UCN3: variants seen among roughly 807,000 people sequenced by gnomAD.
UCN3 encodes the protein urocortin-3.
A neutral mutation model predicts 3.6 loss-of-function variants in UCN3; 3 were observed. That is an observed-to-expected ratio of 0.83 (90% CI 0.38 to 2.15). The LOEUF (loss-of-function observed/expected upper bound fraction) is 2.15, where lower values mean the gene tolerates loss of function less well. UCN3 is among the 30% of genes most tolerant of loss of function. UCN3 has a pLI of 0.06. For synonymous variants in UCN3, 100 were observed against 93.2 expected (o/e 1.07, Z -0.42); for missense variants, 206 against 208.3 (o/e 0.99, Z 0.07).
rs1554810670 is a variant in UCN3 at position 5,365,838 on chromosome 10, C to G, written c.-7+608C>G. 6.6e-6 allele frequency among the ~76,000 whole-genome samples: 1 copy of G among 152,164 alleles called. No individual in the cohort carries two copies. The highest frequency in any genetic ancestry group is 1.9e-4 in the East Asian group (1 of 5,180). On this transcript the variant is annotated intron_variant, in intron 1 of 1. Transcript: ENST00000380433. The surrounding 1 kb of genome is among the most constrained non-coding windows in gnomAD (Gnocchi z 4.4). ...TTTCCCCAGCCAGGTCCTCTGCCAC[C>G]AAAGCCCAGAGCCCTTTGCCACACT...
chr10:5,370,167 GTGTGTGTATA>G lies in UCN3; in HGVS notation c.-6-3545_-6-3536del, dbSNP rs1831343602. Among the ~76,000 whole-genome samples, 2 of 100,018 alleles carry G rather than the reference GTGTGTGTATA, an allele frequency of 2.0e-5. 1 individual carries two copies. The highest frequency in any genetic ancestry group is 1.0e-4 in the African/African-American group (2 of 19,200). The allele number at this position is 100,018 out of a possible 152,430, so 65.6% of individuals were successfully genotyped here. A position where few individuals can be genotyped will look rare whatever the true frequency, so the allele number is the denominator to read the frequency against. The stretch of plus-strand genomic sequence containing the variant: ...TGCGTGTGTATATGTGTGTGTATAT[GTGTGTGTATA>G]TGCGTGTGTATATGCGTGTGTATAT... On this transcript the variant is annotated intron_variant, in intron 1 of 1. Coordinates refer to ENST00000380433, the MANE Select transcript of UCN3 (RefSeq NM_053049.4).
chr10:5,369,337 C>A (rs528421233), intron 1 of UCN3, among the ~76,000 whole-genome samples: 1 of 152,308 alleles, frequency 6.6e-6, no homozygotes, highest in African/African-American at 2.4e-5. Flanking sequence ...CTAAGAAGAC[C>A]TGGAGATTAT....
intron 1 of UCN3, among the ~76,000 whole-genome samples, chr10:5,372,060 G>A (rs1831436506): frequency 1.3e-5 from 2 of 152,204 alleles, no homozygotes; most frequent in Non-Finnish European, 2.9e-5. Context: ...CGGCAGCCGT[G>A]CTTTCTCTAG....
chr10:5,366,199 C>G lies in UCN3; in HGVS notation c.-7+969C>G, dbSNP rs547603888. Among the ~76,000 whole-genome samples, 1 of 152,228 alleles carries G rather than the reference C, an allele frequency of 6.6e-6. No homozygotes were observed. Among genetic ancestry groups the G allele is most frequent in the East Asian group, 1.9e-4 (1 of 5,170 alleles). ...GAGGTGCTGGGAATTGGAGGCTGAC[C>G]CAGGTCCCTCACGTTTCAGTGCTTG... On this transcript the variant is annotated intron_variant, in intron 1 of 1. Transcript: ENST00000380433. The surrounding 1 kb of genome is among the most constrained non-coding windows in gnomAD (Gnocchi z 4.2).
At chr10:5,371,901 T>A (rs1831434134) in intron 1 of UCN3, among the ~76,000 whole-genome samples, 1 of 151,994 alleles carries the variant, frequency 6.6e-6, no homozygotes, top group South Asian at 2.1e-4. Flanking sequence ...TCTTCGGTAA[T>A]AAAGTGAACT....
At chr10:5,370,939 A>AAGG (rs1831414098) in intron 1 of UCN3, among the ~76,000 whole-genome samples, 1 of 113,992 alleles carries the variant, frequency 8.8e-6, no homozygotes, top group African/African-American at 3.7e-5. Context: ...ATGTGTGTTC[A>AAGG]TGTGTATGTG....
intron 1 of UCN3, 117 bp from the exon 2 acceptor site, chr10:5,373,598 T>C (rs1176338119): frequency 1.4e-6 from 2 of 1,476,920 alleles, no homozygotes; most frequent in Non-Finnish European, 1.8e-6. Context: ...CTGGGGGTCA[T>C]ACTTGGAGAA....
intron 1 of UCN3, among the ~76,000 whole-genome samples, chr10:5,372,313 G>A (rs1022771596): frequency 1.3e-5 from 2 of 152,116 alleles, no homozygotes; most frequent in Admixed American, 1.3e-4. Context: ...GAACTCTGAC[G>A]GCCTCTGGCA....
intron 1 of UCN3, among the ~76,000 whole-genome samples, chr10:5,369,862 G>GTGTGTGTGTGTGTGTGTCTAT (rs1554811024): frequency 3.0e-4 from 30 of 99,510 alleles, no homozygotes; most frequent in African/African-American, 8.5e-4. Context: ...TATCCACGTG[G>GTGTGTGTGTGTGTGTGTCTAT]GTGTGTGTGT....
At chr10:5,372,299 A>G (rs1588402653) in intron 1 of UCN3, among the ~76,000 whole-genome samples, 1 of 152,310 alleles carries the variant, frequency 6.6e-6, no homozygotes, top group East Asian at 1.9e-4. Context: ...GCCATGGGCA[A>G]CCTGAACTCT....
chr10:5,370,692 T>C (rs1272632142), intron 1 of UCN3, among the ~76,000 whole-genome samples: 2 of 117,732 alleles, frequency 1.7e-5, no homozygotes, highest in South Asian at 7.1e-4. Context: ...TGTGTATGTG[T>C]GTATATGTGT....
rs1834104689 is a variant in UCN3 at position 5,365,208 on chromosome 10, T to C, written c.-29T>C. 1 of 152,362 alleles carries C rather than the reference T, an allele frequency of 6.6e-6. No homozygotes were observed. The highest frequency in any genetic ancestry group is 6.5e-5 in the Admixed American group (1 of 15,284). The allele number at this position is 152,362 out of a possible 1,614,324, so 9.4% of individuals were successfully genotyped here. ...GCGCCGGCCTCCCTGAGCGTTTCGC[T>C]GCGGAGGGAAGTCCACTCTCGGGTA... On this transcript the variant is annotated 5_prime_UTR_variant, in exon 1 of 2. Coordinates refer to ENST00000380433, the MANE Select transcript of UCN3 (RefSeq NM_053049.4). The surrounding 1 kb of genome is among the most constrained non-coding windows in gnomAD (Gnocchi z 4.4).
rs1564443736 is a variant in UCN3, at chr10:5,370,874, T to TGTGTGC, written c.-6-2837_-6-2836insGCGTGT. On this transcript the variant is annotated intron_variant, in intron 1 of 1. Coordinates refer to ENST00000380433, the MANE Select transcript of UCN3 (RefSeq NM_053049.4). ...GCGCGTGTGTGTGCGTGTGTATGTG[T>TGTGTGC]GTGTATATGCGTGTGTATATGCGTG... 7.0e-5 allele frequency among the ~76,000 whole-genome samples: 9 copies of TGTGTGC among 128,104 alleles called. 2 individuals carry two copies. The highest frequency in any genetic ancestry group is 2.8e-4 in the African/African-American group (9 of 32,270). The allele number at this position is 128,104 out of a possible 152,430, so 84.0% of individuals were successfully genotyped here. A position where few individuals can be genotyped will look rare whatever the true frequency, so the allele number is the denominator to read the frequency against.
In UCN3 at chr10:5,374,277, G is replaced by C. The variant is rs1188797090; in HGVS notation, c.*71G>C. ...GAGGGGGAGGGGAGGGCGAGGGGGGGAGGGGAGGGGGAGGGTGCTGTCTGC... is the reference window on the plus strand; with the variant it reads ...GAGGGGGAGGGGAGGGCGAGGGGGGCAGGGGAGGGGGAGGGTGCTGTCTGC... On this transcript the variant is annotated 3_prime_UTR_variant, in exon 2 of 2. Transcript: ENST00000380433. 2.4e-6 allele frequency: 1 copy of C among 420,192 alleles called. No homozygotes were observed. Among genetic ancestry groups the C allele is most frequent in the African/African-American group, 2.2e-5 (1 of 46,140 alleles). 26.0% of individuals were successfully genotyped at this position (420,192 alleles called of 1,614,324 possible). A position where few individuals can be genotyped will look rare whatever the true frequency, so the allele number is the denominator to read the frequency against.
Position 5,370,970 on chromosome 10 carries a change from A to G in UCN3, c.-6-2745A>G, listed in dbSNP as rs1245894903. Among the ~76,000 whole-genome samples, 13 of 144,212 alleles carry G rather than the reference A, an allele frequency of 9.0e-5. 1 individual carries two copies. Among genetic ancestry groups the G allele is most frequent in the East Asian group, 6.2e-4 (3 of 4,828 alleles). 94.6% of individuals were successfully genotyped at this position (144,212 alleles called of 152,430 possible). A position where few individuals can be genotyped will look rare whatever the true frequency, so the allele number is the denominator to read the frequency against. ...ATGTGTGTAAGGTGTGTGTGTGTGT[A>G]TGTATGTACATGTGAGGTATGTATG... is the stretch of plus-strand genomic sequence containing the variant. On this transcript the variant is annotated intron_variant, in intron 1 of 1. Transcript: ENST00000380433.
intron 1 of UCN3, among the ~76,000 whole-genome samples, chr10:5,370,677 G>GTGTGTGTA (rs1831385309): frequency 1.3e-5 from 1 of 79,338 alleles, no homozygotes. Context: ...GTGTGTGTAT[G>GTGTGTGTA]TGTGTGTGTA....
intron 1 of UCN3, among the ~76,000 whole-genome samples, chr10:5,372,340 T>C (rs1359155989): frequency 6.6e-6 from 1 of 152,182 alleles, no homozygotes; most frequent in Non-Finnish European, 1.5e-5. Context: ...ATGCTGCTAC[T>C]GTGAAGGAGC....
intron 1 of UCN3, among the ~76,000 whole-genome samples, chr10:5,370,745 T>C (rs1374955698): frequency 8.2e-6 from 1 of 121,262 alleles, no homozygotes. Context: ...TATGTGTGTG[T>C]ATATGATGTG....
rs1402137201 is a variant in UCN3, at chr10:5,366,972, A to C, written c.-7+1742A>C. On this transcript the variant is annotated intron_variant, in intron 1 of 1. Transcript: ENST00000380433. This position sits in a 1 kb window ranked among gnomAD's most constrained non-coding sequence, Gnocchi z 4.2. ...TCAGCACCCTAGCCGTGATTACAGT[A>C]TTCTTCTCTGATGGTAGACTTGGGA... Among the ~76,000 whole-genome samples the C allele has an allele frequency of 6.6e-6, 1 of 152,214 alleles. No individual in the cohort carries two copies. The highest frequency in any genetic ancestry group is 2.4e-5 in the African/African-American group (1 of 41,458).
Sources: allele counts gnomAD v4.1 joint callset (sites outside exome capture counted in the v4.1 genomes callset), GRCh38; gene constraint gnomAD v4.1.1; non-coding constraint Gnocchi (gnomAD v3.1); transcripts MANE v1.5; gene names NCBI Gene and HGNC (gene_info 2026-07-23, HGNC 2026-07-21).